Variants in MTSS1 observed in about 807,000 individuals in gnomAD.
MTSS1 encodes the protein MTSS I-BAR domain containing 1.
A neutral mutation model predicts 79.0 loss-of-function variants in MTSS1; 18 were observed. That is an observed-to-expected ratio of 0.23 (90% CI 0.16 to 0.34). The LOEUF (loss-of-function observed/expected upper bound fraction) is 0.34, where lower values mean the gene tolerates loss of function less well. MTSS1 is among the 10% of genes least tolerant of loss of function. The probability of loss-of-function intolerance (pLI) is 1.00; values close to 1 mark genes in which losing one functional copy is unlikely to be tolerated. For missense variants in MTSS1, 815 were observed against 986.2 expected (o/e 0.83, Z 2.33); for synonymous variants, 341 against 368.6 (o/e 0.93, Z 0.86).
chr8:124,709,654 TC>T (rs146416673), intron 1 of MTSS1, among the ~76,000 whole-genome samples: 11,024 of 151,984 alleles, frequency 0.073, 535 homozygotes, highest in Non-Finnish European at 0.1. Context: ...AAGGAAAAGG[TC>T]CCTATTAAAG....
chr8:124,657,025 T>G (rs1821086343), intron 3 of MTSS1, among the ~76,000 whole-genome samples: 1 of 152,112 alleles, frequency 6.6e-6, no homozygotes, highest in African/African-American at 2.4e-5. Flanking sequence ...TAAAGGAACA[T>G]ATGAACTAAA....
chr8:124,615,369 C>T (rs945361259), intron 3 of MTSS1, among the ~76,000 whole-genome samples: 1 of 152,090 alleles, frequency 6.6e-6, no homozygotes, highest in African/African-American at 2.4e-5. Flanking sequence ...CATATACATA[C>T]AATGGATTAT....
intron 1 of MTSS1, among the ~76,000 whole-genome samples, chr8:124,712,686 T>A (rs1213242574): frequency 6.6e-6 from 1 of 152,208 alleles, no homozygotes; most frequent in Non-Finnish European, 1.5e-5. Context: ...ATTATCCCTG[T>A]CCATCAAGCG....
chr8:124,590,481 CGAGACCCA>C (rs1563810806), intron 4 of MTSS1, among the ~76,000 whole-genome samples: 1 of 152,148 alleles, frequency 6.6e-6, no homozygotes. Flanking sequence ...AGAAGAGTGA[CGAGACCCA>C]GAAAATTCTC....
At chr8:124,608,225 C>A (rs1587233622) in intron 3 of MTSS1, among the ~76,000 whole-genome samples, 1 of 152,062 alleles carries the variant, frequency 6.6e-6, no homozygotes, top group African/African-American at 2.4e-5. Flanking sequence ...GCACTGTTTT[C>A]TTCCCCACAC....
intron 3 of MTSS1, among the ~76,000 whole-genome samples, chr8:124,621,575 C>T (rs1365967266): frequency 4.6e-5 from 7 of 152,102 alleles, no homozygotes; most frequent in African/African-American, 1.7e-4. Context: ...GACGGCGTCT[C>T]GCCCTGTCGC....
intron 3 of MTSS1, among the ~76,000 whole-genome samples, chr8:124,612,574 ATGTGTGTGTGTGTGTGTGTGTGTGTGTG>A (rs58367314): frequency 4.3e-4 from 43 of 99,574 alleles, no homozygotes; most frequent in African/African-American, 1.5e-3. Flanking sequence ...CAAGTTTAAA[ATGTGTGTGTGTGTGTGTGTGTGTGTGTG>A]TGTGTGTGTG....
At position 124,568,331 on chromosome 8, in the gene MTSS1, A is replaced by T. The variant is rs749425916; in HGVS notation, c.618+48T>A. ...GGATGGATAAAATTAGAAGGAAGCCACCTCTACACCAGCAGTTTAAACCTT... is the reference window on the plus strand; with the variant it reads ...GGATGGATAAAATTAGAAGGAAGCCTCCTCTACACCAGCAGTTTAAACCTT... On this transcript the variant is annotated intron_variant, in intron 7 of 13. Coordinates refer to ENST00000518547, the MANE Select transcript of MTSS1 (RefSeq NM_014751.6). The T allele has an allele frequency of 1.9e-6, 3 of 1,574,630 alleles. No individual in the cohort carries two copies. In the African/African-American group the frequency reaches 4.1e-5, roughly 21 times the overall value.
rs559886770 is a variant in MTSS1 at position 124,714,510 on chromosome 8, T to C, written c.73-10319A>G. On this transcript the variant is annotated intron_variant, in intron 1 of 13. Transcript: ENST00000518547. Reference sequence around the variant, plus strand: ...TGGAGTCTTGCCGTGTTGCCCAGGCTGGAGTGCAGTGGTGCTGTCTTGGCT... The same window carrying C: ...TGGAGTCTTGCCGTGTTGCCCAGGCCGGAGTGCAGTGGTGCTGTCTTGGCT... Among the ~76,000 whole-genome samples, 30 of 152,336 alleles carry C rather than the reference T, an allele frequency of 2.0e-4. No individual in the cohort carries two copies. The South Asian group carries it at 6.0e-3, about 31-fold the overall frequency.
intron 3 of MTSS1, among the ~76,000 whole-genome samples, chr8:124,687,257 C>T (rs951736443): frequency 6.6e-6 from 1 of 152,186 alleles, no homozygotes; most frequent in African/African-American, 2.4e-5. Context: ...GGATCACTGT[C>T]ATCTCCCACA....
chr8:124,630,790 C>CA (rs1024479731), intron 3 of MTSS1, among the ~76,000 whole-genome samples: 9 of 152,042 alleles, frequency 5.9e-5, no homozygotes, highest in East Asian at 1.9e-4. Flanking sequence ...AAATCTAATA[C>CA]AAAAAAAATG....
At chr8:124,562,088 C>G (rs1181738258) in intron 10 of MTSS1, among the ~76,000 whole-genome samples, 1 of 152,150 alleles carries the variant, frequency 6.6e-6, no homozygotes, top group East Asian at 1.9e-4. Context: ...CCCAATGACA[C>G]TAAGGGAGAG....
intron 3 of MTSS1, among the ~76,000 whole-genome samples, chr8:124,669,308 C>T (rs117411818): frequency 0.03 from 4,511 of 152,312 alleles, 103 homozygotes; most frequent in Non-Finnish European, 0.046. Context: ...CGTCTCGCTC[C>T]GCTGAGATAG....
At position 124,630,584 on chromosome 8, in the gene MTSS1, G is replaced by A. The variant is rs575185998; in HGVS notation, c.209-39349C>T. Reference sequence around the variant, plus strand: ...TCACAGGCACTGGACAGTTTGAGAAGCACTGGTCTACAGCACAGGCTTTGG... The same window carrying A: ...TCACAGGCACTGGACAGTTTGAGAAACACTGGTCTACAGCACAGGCTTTGG... On this transcript the variant is annotated intron_variant, in intron 3 of 13. Transcript: ENST00000518547. Among the ~76,000 whole-genome samples the A allele has an allele frequency of 2.6e-5, 4 of 152,326 alleles. No individual in the cohort carries two copies. In the East Asian group the frequency reaches 7.7e-4, roughly 29 times the overall value.
rs143469101 is a variant in MTSS1 at position 124,582,409 on chromosome 8, C to T, written c.460+2678G>A. Among the ~76,000 whole-genome samples, 4 of 152,232 alleles carry T rather than the reference C, an allele frequency of 2.6e-5. No homozygotes were observed. The highest frequency in any genetic ancestry group is 1.9e-4 in the East Asian group (1 of 5,186). ...GTGAGCCGCTCACAAAAATCACATC[C>T]GTGTGTGTCTGCCCACGTCAAGGAT... On this transcript the variant is annotated intron_variant, in intron 6 of 13. Coordinates refer to ENST00000518547, the MANE Select transcript of MTSS1 (RefSeq NM_014751.6). The surrounding 1 kb of genome is among the most constrained non-coding windows in gnomAD (Gnocchi z 4.8).
chr8:124,553,914 T>TG lies in MTSS1; in HGVS notation c.1568-223dup, dbSNP rs747711405. ...GATGTGTCCCAAGTACCTAGAACAG[T>TG]GCTGGACACGGTAGGCACTCAAATA... On this transcript the variant is annotated intron_variant, in intron 13 of 13. Coordinates refer to ENST00000518547, the MANE Select transcript of MTSS1 (RefSeq NM_014751.6). The surrounding 1 kb of genome is among the most constrained non-coding windows in gnomAD (Gnocchi z 6.0). Among the ~76,000 whole-genome samples the TG allele has an allele frequency of 3.3e-5, 5 of 152,144 alleles. No individual in the cohort carries two copies. Among genetic ancestry groups the TG allele is most frequent in the Non-Finnish European group, 7.4e-5 (5 of 68,020 alleles).
At chr8:124,664,941 C>T (rs1417751620) in intron 3 of MTSS1, among the ~76,000 whole-genome samples, 3 of 152,176 alleles carry the variant, frequency 2.0e-5, no homozygotes, top group African/African-American at 7.2e-5. Context: ...GTTAACAACT[C>T]TGAAAGGCAT....
chr8:124,626,517 C>G (rs1428393188), intron 3 of MTSS1, among the ~76,000 whole-genome samples: 4 of 152,054 alleles, frequency 2.6e-5, no homozygotes, highest in Non-Finnish European at 4.4e-5. Flanking sequence ...GTCAAAGTAG[C>G]TCCAGTCAAA....
At chr8:124,622,984 G>T (rs186346167) in intron 3 of MTSS1, among the ~76,000 whole-genome samples, 1 of 152,144 alleles carries the variant, frequency 6.6e-6, no homozygotes, top group Non-Finnish European at 1.5e-5. Context: ...GAGCACAGAC[G>T]AGCCCATCCC....
Sources: allele counts gnomAD v4.1 joint callset (sites outside exome capture counted in the v4.1 genomes callset), GRCh38; gene constraint gnomAD v4.1.1; non-coding constraint Gnocchi (gnomAD v3.1); transcripts MANE v1.5; gene names NCBI Gene and HGNC (gene_info 2026-07-23, HGNC 2026-07-21).